IL1RL2: variants seen among roughly 807,000 people sequenced by gnomAD.
The protein encoded by IL1RL2 is interleukin 1 receptor like 2.
Under a neutral mutation model 66.8 loss-of-function variants are expected in IL1RL2, and 68 were observed. That is an observed-to-expected ratio of 1.02 (90% CI 0.84 to 1.25). IL1RL2 has a LOEUF of 1.25. IL1RL2 is among the 50% of genes most tolerant of loss of function. IL1RL2 has a pLI of 0.00. For synonymous variants in IL1RL2, 305 were observed against 264.6 expected, an observed-to-expected ratio of 1.15 and a Z score of -1.48; for missense variants, 729 against 709.3, an observed-to-expected ratio of 1.03 and a Z score of -0.32.
chr2:102,206,891 T>C (rs1414162713), intron 5 of IL1RL2, among the ~76,000 whole-genome samples: 1 of 152,090 alleles, frequency 6.6e-6, no homozygotes, highest in Non-Finnish European at 1.5e-5. Context: ...GGGATTAGAG[T>C]AAACAAACCT....
At chr2:102,193,093 G>C (rs867590912) in intron 4 of IL1RL2, among the ~76,000 whole-genome samples, 1 of 151,988 alleles carries the variant, frequency 6.6e-6, no homozygotes, top group Non-Finnish European at 1.5e-5. Flanking sequence ...TACTTGATTA[G>C]TTTCATCAGA....
In IL1RL2 at chr2:102,239,187, T is replaced by G; in HGVS notation, c.1679-5T>G. ...AAGGAGTAAATAGATCTTTCCTGAT[T>G]TCAGGCCCAGAACTAGGCTCAAGAA... On this transcript the variant is annotated splice_polypyrimidine_tract_variant and splice_region_variant and intron_variant, in intron 11 of 11. Transcript: ENST00000264257. 6.2e-7 allele frequency: 1 copy of G among 1,613,854 alleles called. No homozygotes were observed. Among genetic ancestry groups the G allele is most frequent in the South Asian group, 1.1e-5 (1 of 91,078 alleles).
At chr2:102,234,796 A>AT in intron 10 of IL1RL2, 101 bp from the exon 11 acceptor site, 1 of 1,168,530 alleles carries the variant, frequency 8.6e-7, no homozygotes, top group Non-Finnish European at 1.2e-6. Flanking sequence ...CAAAAAAAAA[A>AT]AGTCAATTTT....
At chr2:102,239,099 T>G in intron 11 of IL1RL2, 93 bp from the exon 12 acceptor site, 3 of 1,080,854 alleles carry the variant, frequency 2.8e-6, no homozygotes, top group Non-Finnish European at 4.3e-6. Flanking sequence ...GACGGCAAGG[T>G]GGAGGTTTTC....
chr2:102,227,098 G>T (rs946549593), intron 9 of IL1RL2, among the ~76,000 whole-genome samples: 4 of 152,248 alleles, frequency 2.6e-5, no homozygotes, highest in African/African-American at 9.6e-5. Context: ...GTTTTGTTTT[G>T]TTTTGTCTTA....
intron 9 of IL1RL2, among the ~76,000 whole-genome samples, chr2:102,228,636 G>T (rs906196841): frequency 1.4e-4 from 22 of 151,914 alleles, no homozygotes; most frequent in African/African-American, 5.3e-4. Flanking sequence ...GTGCATGTAG[G>T]ATAGAATGGC....
chr2:102,191,934 C>T lies in IL1RL2; in HGVS notation c.303C>T (p.Asp101=). 1 of 1,606,408 alleles carries T rather than the reference C, an allele frequency of 6.2e-7. No homozygotes were observed. The highest frequency in any genetic ancestry group is 8.5e-7 in the Non-Finnish European group (1 of 1,175,660). The change falls in exon 4 of 12, where the codon GAC becomes GAT. Residue 101 remains aspartate (D), a synonymous_variant. Coordinates refer to ENST00000264257, the MANE Select transcript of IL1RL2 (RefSeq NM_003854.4). ...TCAATCTGTCTTACAGGGGTAGAGA[C>T]AGCTGTCATAGAATACATGTAAACC... The part of the protein sequence containing the change: ...GVYQCVIKGR[D]SCHRIHVNLT...
intron 6 of IL1RL2, among the ~76,000 whole-genome samples, chr2:102,216,020 C>A (rs886079408): frequency 6.6e-6 from 1 of 152,168 alleles, no homozygotes; most frequent in South Asian, 2.1e-4. Context: ...CACAATAATT[C>A]TCCAGTAACA....
rs376758029 is a variant in IL1RL2, at chr2:102,201,621, C to A, written c.555C>A (p.Val185=). Reference sequence around the variant, plus strand: ...AAACCAGGCTTTTGGTGAGCAATGTCTCGGCAGAGGACAGAGGGAACTACG... The same window carrying A: ...AAACCAGGCTTTTGGTGAGCAATGTATCGGCAGAGGACAGAGGGAACTACG... ...VLETRLLVSN[V]SAEDRGNYAC... is the part of the protein sequence containing the mutation. Residue 185 remains valine, a synonymous_variant, in exon 5 of 12, where the codon GTC becomes GTA. Transcript: ENST00000264257. The A allele has an allele frequency of 1.7e-5, 27 of 1,614,058 alleles. No individual in the cohort carries two copies. The highest frequency in any genetic ancestry group is 2.2e-5 in the Non-Finnish European group (26 of 1,179,992).
Position 102,219,050 on chromosome 2 carries a change from T to C in IL1RL2, c.822T>C (p.Tyr274=). The stretch of plus-strand genomic sequence containing the variant: ...ATAACACTTTGGTGGATGATTACTA[T>C]GATGAATCCAAACGAATCAGAGAAG... ...RVNNTLVDDY[Y]DESKRIREGV... is the part of the protein sequence containing the mutation. The change falls in exon 7 of 12, where the codon TAT becomes TAC. Residue 274 remains tyrosine, a synonymous_variant. Coordinates refer to ENST00000264257, the MANE Select transcript of IL1RL2 (RefSeq NM_003854.4). 6.2e-7 allele frequency: 1 copy of C among 1,614,024 alleles called. No individual in the cohort carries two copies. The highest frequency in any genetic ancestry group is 8.5e-7 in the Non-Finnish European group (1 of 1,179,860).
intron 10 of IL1RL2, 119 bp downstream of exon 10, chr2:102,233,243 T>C: frequency 1.0e-6 from 1 of 987,990 alleles, no homozygotes; most frequent in Non-Finnish European, 1.5e-6. Flanking sequence ...ACAGAGAGTC[T>C]ATGACCAGCG....
At chr2:102,206,210 C>T (rs765731001) in intron 5 of IL1RL2, among the ~76,000 whole-genome samples, 1 of 152,148 alleles carries the variant, frequency 6.6e-6, no homozygotes, top group African/African-American at 2.4e-5. Flanking sequence ...CTGACTGAAA[C>T]ATCACATATC....
chr2:102,233,184 C>A, intron 10 of IL1RL2, 60 bp downstream of exon 10: 1 of 1,503,824 alleles, frequency 6.6e-7, no homozygotes, highest in East Asian at 2.3e-5. Context: ...CCCCTCTGTT[C>A]CTCCACTTTA....
At chr2:102,206,308 G>A (rs1415048443) in intron 5 of IL1RL2, among the ~76,000 whole-genome samples, 1 of 152,128 alleles carries the variant, frequency 6.6e-6, no homozygotes, top group Non-Finnish European at 1.5e-5. Flanking sequence ...GCTAGTAGAT[G>A]TTCTTCAGTG....
chr2:102,241,983 A>T (rs968620166), downstream of IL1RL2, among the ~76,000 whole-genome samples: 2 of 152,366 alleles, frequency 1.3e-5, no homozygotes, highest in African/African-American at 2.4e-5. Flanking sequence ...GTGGTGGAGG[A>T]CATGAGTTTG....
chr2:102,200,177 A>G (rs1412881290), intron 4 of IL1RL2, among the ~76,000 whole-genome samples: 1 of 147,414 alleles, frequency 6.8e-6, no homozygotes, highest in Non-Finnish European at 1.5e-5. Flanking sequence ...ACATCACAAT[A>G]TCAGAGTCTG....
chr2:102,232,901 G>C, intron 9 of IL1RL2, 62 bp from the exon 10 acceptor site: 1 of 1,565,660 alleles, frequency 6.4e-7, no homozygotes, highest in East Asian at 2.3e-5. Flanking sequence ...CAGGCTTCCG[G>C]TTTATTAACA....
chr2:102,192,295 C>T (rs148902153), intron 4 of IL1RL2, among the ~76,000 whole-genome samples, 175 bp downstream of exon 4: 2 of 152,264 alleles, frequency 1.3e-5, no homozygotes, highest in East Asian at 3.9e-4. Context: ...TGTTTTTAAA[C>T]ATTTTTGGTT....
At chr2:102,213,617 G>C (rs1273577353) in intron 6 of IL1RL2, among the ~76,000 whole-genome samples, 1 of 152,058 alleles carries the variant, frequency 6.6e-6, no homozygotes, top group Non-Finnish European at 1.5e-5. Flanking sequence ...AGAATATTTA[G>C]AAAATAATGA....
Sources: allele counts gnomAD v4.1 joint callset (sites outside exome capture counted in the v4.1 genomes callset), GRCh38; gene constraint gnomAD v4.1.1; transcripts MANE v1.5; gene names NCBI Gene and HGNC (gene_info 2026-07-23, HGNC 2026-07-21).